Variants in OSBPL10 observed in about 807,000 individuals in gnomAD.
The protein encoded by OSBPL10 is oxysterol binding protein like 10.
In OSBPL10, 49 loss-of-function variants were observed where a neutral mutation model predicts 81.7. The ratio of observed to expected loss-of-function variants is 0.60; its 90% CI spans 0.48 to 0.76. The LOEUF (loss-of-function observed/expected upper bound fraction) is 0.76, where lower values mean the gene tolerates loss of function less well. Ranked by LOEUF, OSBPL10 falls within the 30% of genes least tolerant of loss-of-function variation. OSBPL10 has a pLI of 0.00. For synonymous variants in OSBPL10, 419 were observed against 383.6 expected (o/e 1.09, Z -1.08); for missense variants, 923 against 987.8 (o/e 0.93, Z 0.88).
At chr3:31,968,801 T>G (rs997362080) in intron 1 of OSBPL10, among the ~76,000 whole-genome samples, 6 of 152,230 alleles carry the variant, frequency 3.9e-5, no homozygotes, top group Non-Finnish European at 8.8e-5. Context: ...AGTGTTATGA[T>G]GTACTTTGGG....
intron 5 of OSBPL10, among the ~76,000 whole-genome samples, chr3:31,739,692 C>T (rs1432065907): frequency 6.6e-6 from 1 of 152,094 alleles, no homozygotes; most frequent in East Asian, 1.9e-4. Context: ...AGAGCCCTCA[C>T]CAGAAACTTT....
chr3:31,715,710 A>G (rs1696410054), intron 6 of OSBPL10, among the ~76,000 whole-genome samples: 1 of 152,182 alleles, frequency 6.6e-6, no homozygotes, highest in Non-Finnish European at 1.5e-5. Context: ...GAATTCTACT[A>G]CCGATGATTT....
intron 1 of OSBPL10, among the ~76,000 whole-genome samples, chr3:32,073,744 T>C (rs7642308): frequency 0.016 from 2,498 of 152,194 alleles, 53 homozygotes; most frequent in East Asian, 0.088. Flanking sequence ...CAACTACTCA[T>C]AAATGACCTG....
At chr3:31,953,598 G>A (rs1053827383) in intron 1 of OSBPL10, among the ~76,000 whole-genome samples, 2 of 151,714 alleles carry the variant, frequency 1.3e-5, no homozygotes, top group Non-Finnish European at 2.9e-5. Context: ...TGTAAAGACG[G>A]TTTTACCATG....
intron 3 of OSBPL10, among the ~76,000 whole-genome samples, chr3:31,867,041 G>A (rs937727102): frequency 6.6e-6 from 1 of 152,042 alleles, no homozygotes; most frequent in African/African-American, 2.4e-5. Context: ...TTTTAATTTA[G>A]AATTACCTAG....
intron 4 of OSBPL10, among the ~76,000 whole-genome samples, chr3:31,757,653 G>A (rs1697927803): frequency 6.6e-6 from 1 of 152,180 alleles, no homozygotes; most frequent in Non-Finnish European, 1.5e-5. Flanking sequence ...TTTAATGATT[G>A]CATGTATAAG....
chr3:31,910,299 G>A (rs566715196), intron 1 of OSBPL10, among the ~76,000 whole-genome samples: 5 of 152,100 alleles, frequency 3.3e-5, no homozygotes, highest in African/African-American at 1.2e-4. Context: ...CTTTAAACAG[G>A]AGGGACATGG....
chr3:31,920,944 C>G (rs1696895315), intron 1 of OSBPL10, among the ~76,000 whole-genome samples: 1 of 152,124 alleles, frequency 6.6e-6, no homozygotes, highest in African/African-American at 2.4e-5. Context: ...TTATGTGTAG[C>G]CTGCAGAACC....
At chr3:31,729,620 C>T (rs1375623016) in intron 6 of OSBPL10, among the ~76,000 whole-genome samples, 2 of 151,884 alleles carry the variant, frequency 1.3e-5, no homozygotes, top group Non-Finnish European at 1.5e-5. Flanking sequence ...GGGGTTTTAC[C>T]ATGTTGGTCA....
At chr3:31,674,570 ACAGATAGATAGAT>A in intron 8 of OSBPL10, among the ~76,000 whole-genome samples, 1 of 148,562 alleles carries the variant, frequency 6.7e-6, no homozygotes, top group East Asian at 2.0e-4. Flanking sequence ...AAATAGATAG[ACAGATAGATAGAT>A]TAGATAGATA....
chr3:31,850,341 A>G (rs1700733124), intron 3 of OSBPL10, among the ~76,000 whole-genome samples: 1 of 152,190 alleles, frequency 6.6e-6, no homozygotes, highest in African/African-American at 2.4e-5. Flanking sequence ...CTCAAAAAGA[A>G]AAAGAAAGAA....
At chr3:31,693,354 G>A (rs562834379) in intron 7 of OSBPL10, among the ~76,000 whole-genome samples, 3 of 152,216 alleles carry the variant, frequency 2.0e-5, no homozygotes, top group Non-Finnish European at 4.4e-5. Context: ...AAGGAAAAAG[G>A]CTGTATGCCT....
At chr3:31,843,598 C>A (rs985592792) in intron 3 of OSBPL10, among the ~76,000 whole-genome samples, 1 of 152,180 alleles carries the variant, frequency 6.6e-6, no homozygotes, top group African/African-American at 2.4e-5. Context: ...GGTATGCTTG[C>A]TTTAATCTGA....
chr3:31,892,537 C>G (rs1695923670), intron 1 of OSBPL10, among the ~76,000 whole-genome samples: 1 of 152,138 alleles, frequency 6.6e-6, no homozygotes, highest in African/African-American at 2.4e-5. Context: ...CCAAAAAAGT[C>G]AACTATAAAA....
chr3:31,824,304 C>A (rs1358748666), intron 4 of OSBPL10, among the ~76,000 whole-genome samples: 1 of 152,036 alleles, frequency 6.6e-6, no homozygotes, highest in East Asian at 1.9e-4. Context: ...GCTGTAGTTG[C>A]AGGTTGGCCA....
At chr3:31,823,572 T>C (rs912123103) in intron 4 of OSBPL10, among the ~76,000 whole-genome samples, 7 of 152,118 alleles carry the variant, frequency 4.6e-5, no homozygotes, top group African/African-American at 1.7e-4. Context: ...TCCCAACCTG[T>C]CCACAGCCCA....
chr3:31,907,819 G>A (rs76329912), intron 1 of OSBPL10, among the ~76,000 whole-genome samples: 2,199 of 152,104 alleles, frequency 0.014, 54 homozygotes, highest in African/African-American at 0.046. Context: ...AGAACAATCC[G>A]TGAAACAGAT....
At chr3:31,988,108 C>G (rs919928052) in intron 2 of OSBPL10, among the ~76,000 whole-genome samples, 1 of 152,216 alleles carries the variant, frequency 6.6e-6, no homozygotes, top group Non-Finnish European at 1.5e-5. Flanking sequence ...CCTTGGACCA[C>G]TGATCGCTTT....
intron 6 of OSBPL10, among the ~76,000 whole-genome samples, chr3:31,716,032 A>C (rs74871302): frequency 0.026 from 3,896 of 152,204 alleles, 170 homozygotes; most frequent in African/African-American, 0.089. Context: ...GGGAATGCAG[A>C]GTGGCAGCGG....
Sources: gnomAD v4.1 joint callset for allele counts (sites outside exome capture counted in the v4.1 genomes callset) on GRCh38, gnomAD v4.1.1 for gene constraint, MANE v1.5 for transcripts, NCBI Gene and HGNC (gene_info 2026-07-23, HGNC 2026-07-21) for gene names.